Variants in TBC1D5 observed in about 807,000 individuals in gnomAD.
TBC1D5 encodes TBC1 domain family member 5.
TBC1D5 carries 75 observed loss-of-function variants against 100.3 expected under a neutral mutation model. That is an observed-to-expected ratio of 0.75 (90% CI 0.62 to 0.91). TBC1D5 has a LOEUF of 0.91. Ranked by LOEUF, TBC1D5 falls within the 40% of genes least tolerant of loss-of-function variation. The pLI is 0.00. For synonymous variants in TBC1D5, 323 were observed against 325.6 expected, an observed-to-expected ratio of 0.99 and a Z score of 0.09; for missense variants, 910 against 942.4, an observed-to-expected ratio of 0.97 and a Z score of 0.45.
intron 1 of TBC1D5, among the ~76,000 whole-genome samples, 173 bp from the exon 2 acceptor site, chr3:17,624,086 T>G (rs1308660994): frequency 6.6e-6 from 1 of 152,226 alleles, no homozygotes; most frequent in Non-Finnish European, 1.5e-5. Context: ...ATTAAGGGTT[T>G]ATACTGAGTA....
At chr3:17,190,927 A>C (rs1180228929) in intron 18 of TBC1D5, among the ~76,000 whole-genome samples, 1 of 152,208 alleles carries the variant, frequency 6.6e-6, no homozygotes, top group African/African-American at 2.4e-5. Context: ...GAAGTAAAGG[A>C]AACGGAAAGT....
At chr3:17,287,713 A>G (rs1171839760) in intron 15 of TBC1D5, among the ~76,000 whole-genome samples, 1 of 152,232 alleles carries the variant, frequency 6.6e-6, no homozygotes, top group Non-Finnish European at 1.5e-5. Context: ...TATTCAAATA[A>G]GAAATCTTTC....
intron 1 of TBC1D5, among the ~76,000 whole-genome samples, chr3:17,713,671 T>C (rs372266644): frequency 4.0e-5 from 6 of 151,242 alleles, no homozygotes; most frequent in Admixed American, 3.3e-4. Context: ...TAAAGAACTC[T>C]TAAAATTCAA....
intron 13 of TBC1D5, among the ~76,000 whole-genome samples, chr3:17,309,355 T>C (rs959619858): frequency 7.2e-5 from 11 of 151,982 alleles, no homozygotes; most frequent in Non-Finnish European, 1.3e-4. Flanking sequence ...ATAGAATAAT[T>C]AGATTATATT....
chr3:17,392,826 C>T (rs576069050), intron 8 of TBC1D5, among the ~76,000 whole-genome samples: 1 of 152,172 alleles, frequency 6.6e-6, no homozygotes, highest in African/African-American at 2.4e-5. Context: ...AATAAACATA[C>T]GTATGCATGT....
chr3:17,476,913 C>T (rs569256711), intron 3 of TBC1D5, among the ~76,000 whole-genome samples: 8 of 151,778 alleles, frequency 5.3e-5, no homozygotes, highest in Admixed American at 4.6e-4. Context: ...ATTTTGCACA[C>T]GTTATATAAC....
At chr3:17,197,552 G>A (rs932573552) in intron 18 of TBC1D5, among the ~76,000 whole-genome samples, 2 of 151,670 alleles carry the variant, frequency 1.3e-5, no homozygotes, top group African/African-American at 4.8e-5. Context: ...AATTTTTTTT[G>A]GTAGAAATGG....
chr3:17,158,959 G>A (rs919281314), exon 22 of TBC1D5: 1 of 152,270 alleles, frequency 6.6e-6, no homozygotes, highest in Non-Finnish European at 1.5e-5. Context: ...TTCCCAAGGT[G>A]AGAAAGTGAC....
intron 9 of TBC1D5, among the ~76,000 whole-genome samples, chr3:17,380,039 C>CTCTG (rs1445285267): frequency 1.5e-4 from 15 of 100,020 alleles, no homozygotes; most frequent in African/African-American, 4.6e-4. Context: ...ACAGCTGTGA[C>CTCTG]TGTGTATGTG....
chr3:17,260,449 T>G (rs985600787), intron 15 of TBC1D5, among the ~76,000 whole-genome samples: 3 of 152,166 alleles, frequency 2.0e-5, no homozygotes, highest in Non-Finnish European at 4.4e-5. Flanking sequence ...AACTTGAACA[T>G]ATAAATGAGG....
chr3:17,227,905 AG>A (rs937287062), intron 17 of TBC1D5, among the ~76,000 whole-genome samples: 16 of 149,032 alleles, frequency 1.1e-4, no homozygotes, highest in Non-Finnish European at 2.2e-4. Context: ...CCTAAACATG[AG>A]CTTAGTTTCC....
At chr3:17,377,415 T>G (rs1028007520) in intron 9 of TBC1D5, among the ~76,000 whole-genome samples, 12 of 152,064 alleles carry the variant, frequency 7.9e-5, no homozygotes, top group Non-Finnish European at 1.2e-4. Flanking sequence ...TGGCTACCTT[T>G]GCTAATTGAG....
chr3:17,244,878 T>C (rs2076596203), intron 16 of TBC1D5, among the ~76,000 whole-genome samples: 1 of 152,022 alleles, frequency 6.6e-6, no homozygotes, highest in Non-Finnish European at 1.5e-5. Flanking sequence ...AGGATATACT[T>C]CTATTTAAAA....
At chr3:17,481,466 T>A (rs538538558) in intron 3 of TBC1D5, among the ~76,000 whole-genome samples, 7 of 152,142 alleles carry the variant, frequency 4.6e-5, no homozygotes, top group African/African-American at 1.7e-4. Flanking sequence ...AAGTAGCCCA[T>A]GACAACTTAA....
intron 4 of TBC1D5, among the ~76,000 whole-genome samples, chr3:17,411,998 A>C (rs1166986202): frequency 1.3e-5 from 2 of 152,214 alleles, no homozygotes; most frequent in African/African-American, 4.8e-5. Flanking sequence ...TTTCATCAAT[A>C]AACTGTAACA....
chr3:17,731,439 G>A (rs1341470795), intron 1 of TBC1D5, among the ~76,000 whole-genome samples: 2 of 150,858 alleles, frequency 1.3e-5, no homozygotes, highest in African/African-American at 2.4e-5. Flanking sequence ...CCGGGAGGCG[G>A]AGGTTGCAGT....
intron 3 of TBC1D5, among the ~76,000 whole-genome samples, chr3:17,442,858 A>C (rs1373046276): frequency 6.6e-6 from 1 of 151,452 alleles, no homozygotes; most frequent in East Asian, 2.0e-4. Flanking sequence ...ATGGGAAGGA[A>C]GGGAGAAGAG....
intron 2 of TBC1D5, among the ~76,000 whole-genome samples, chr3:17,574,153 G>T (rs1328556415): frequency 6.6e-6 from 1 of 151,930 alleles, no homozygotes; most frequent in Non-Finnish European, 1.5e-5. Flanking sequence ...GAATCATCCT[G>T]AAATACCTCA....
chr3:17,285,166 G>A (rs1575127985), intron 15 of TBC1D5, among the ~76,000 whole-genome samples: 1 of 150,450 alleles, frequency 6.6e-6, no homozygotes, highest in African/African-American at 2.4e-5. Context: ...TGAATAGACC[G>A]TCTGCTGGAA....
Sources: allele counts gnomAD v4.1 joint callset (sites outside exome capture counted in the v4.1 genomes callset), GRCh38; gene constraint gnomAD v4.1.1; transcripts MANE v1.5; gene names NCBI Gene and HGNC (gene_info 2026-07-23, HGNC 2026-07-21).